The following SLC37A1 variants were observed in gnomAD, a reference collection of about 807,000 sequenced individuals.
SLC37A1 encodes glucose-6-phosphate exchanger SLC37A1.
SLC37A1 carries 49 observed loss-of-function variants against 75.3 expected under a neutral mutation model. The observed-to-expected ratio is 0.65, with a 90% CI of 0.52 to 0.83. SLC37A1 has a LOEUF of 0.83. Ranked by LOEUF, SLC37A1 falls within the 40% of genes least tolerant of loss-of-function variation. SLC37A1 has a pLI of 0.00. For missense variants in SLC37A1, 566 were observed against 695.0 expected (o/e 0.81, Z 2.09); for synonymous variants, 268 against 292.1 (o/e 0.92, Z 0.84).
intron 6 of SLC37A1, 109 bp downstream of exon 6, chr21:42,539,756 C>A: frequency 1.8e-6 from 2 of 1,126,294 alleles, no homozygotes; most frequent in Non-Finnish European, 2.4e-6. Flanking sequence ...GGCAGAAGTG[C>A]GTCCTGTCGG....
At chr21:42,566,711 T>C (rs1228097008) in intron 15 of SLC37A1, among the ~76,000 whole-genome samples, 2 of 152,090 alleles carry the variant, frequency 1.3e-5, no homozygotes, top group African/African-American at 4.8e-5. Flanking sequence ...GAGGAAGGCC[T>C]TTCTGCTGCA....
intron 18 of SLC37A1, chr21:42,575,555 GTGA>G: frequency 1.0e-6 from 1 of 985,436 alleles, no homozygotes; most frequent in Non-Finnish European, 1.2e-6. Flanking sequence ...AGGAAGACCA[GTGA>G]TGATGTCACA....
chr21:42,518,447 CGACGTAAATGGCTCGACTCCCCGCTG>C lies in SLC37A1; in HGVS notation c.-6_20del. 6.2e-7 allele frequency: 1 copy of C among 1,613,998 alleles called. No individual in the cohort carries two copies. Among genetic ancestry groups the C allele is most frequent in the Non-Finnish European group, 8.5e-7 (1 of 1,179,974 alleles). On this transcript the variant is annotated start_lost and 5_prime_UTR_variant, in exon 2 of 20. Coordinates refer to ENST00000352133, the MANE Select transcript of SLC37A1 (RefSeq NM_001320537.2). ...GCGACCGAGGCTCAGTGGTCAGTGG[CGACGTAAATGGCTCGACTCCCCGCTG>C]GCATTCGCTTCATCATCTCATTCTC...
At chr21:42,543,316 A>T in intron 7 of SLC37A1, 120 bp from the exon 8 acceptor site, 1 of 1,131,904 alleles carries the variant, frequency 8.8e-7, no homozygotes, top group Non-Finnish European at 1.3e-6. Context: ...CAGGGTCTGC[A>T]TGGCCCCCCG....
chr21:42,547,934 A>G lies in SLC37A1; in HGVS notation c.768+794A>G, dbSNP rs1270398405. 6.6e-6 allele frequency among the ~76,000 whole-genome samples: 1 copy of G among 152,038 alleles called. No individual in the cohort carries two copies. Among genetic ancestry groups the G allele is most frequent in the African/African-American group, 2.4e-5 (1 of 41,380 alleles). On this transcript the variant is annotated intron_variant, in intron 9 of 19. Coordinates refer to ENST00000352133, the MANE Select transcript of SLC37A1 (RefSeq NM_001320537.2). This position sits in a 1 kb window ranked among gnomAD's most constrained non-coding sequence, Gnocchi z 6.1. ...CCACCTCACGGGAACAGCCCATCAG[A>G]TCCCAGCAACGTCACCCGGACACAT... is the stretch of plus-strand genomic sequence containing the variant.
rs2055113790 is a variant in SLC37A1, at chr21:42,535,511, A to C, written c.311A>C (p.Tyr104Ser). Reference sequence around the variant, plus strand: ...CAGCAGCTGCTTGGGGCCCTGGACTACTCCTTCCTGTGCGCCTATGCCGTG... The same window carrying C: ...CAGCAGCTGCTTGGGGCCCTGGACTCCTCCTTCCTGTGCGCCTATGCCGTG... ...NYQQLLGALD[Y>S]SFLCAYAVGM... Residue 104 changes from tyrosine (Y) to serine (S), a missense_variant, in exon 5 of 20, where the codon TAC becomes TCC. By Grantham distance (144) the Tyr-to-Ser change is moderately radical (BLOSUM62 -2). Transcript: ENST00000352133. The C allele has an allele frequency of 1.2e-6, 2 of 1,613,438 alleles. No homozygotes were observed. The highest frequency in any genetic ancestry group is 1.7e-6 in the Non-Finnish European group (2 of 1,179,678).
At chr21:42,519,519 C>T (rs1370352817) in intron 2 of SLC37A1, among the ~76,000 whole-genome samples, 1 of 152,178 alleles carries the variant, frequency 6.6e-6, no homozygotes, top group Non-Finnish European at 1.5e-5. Context: ...GGGAACTCTG[C>T]TTTTCAGTAG....
intron 2 of SLC37A1, among the ~76,000 whole-genome samples, chr21:42,524,090 C>T (rs749858643): frequency 7.9e-5 from 12 of 152,082 alleles, no homozygotes; most frequent in East Asian, 5.8e-4. Context: ...CTCTCGGAAA[C>T]GCTGCCTTTC....
At chr21:42,578,415 T>G (rs762238018) in intron 18 of SLC37A1, among the ~76,000 whole-genome samples, 1 of 152,232 alleles carries the variant, frequency 6.6e-6, no homozygotes, top group East Asian at 1.9e-4. Context: ...CACTTGCTAC[T>G]ATATTCTTCA....
At chr21:42,521,314 T>C (rs2054643443) in intron 2 of SLC37A1, among the ~76,000 whole-genome samples, 1 of 152,232 alleles carries the variant, frequency 6.6e-6, no homozygotes, top group South Asian at 2.1e-4. Flanking sequence ...ATCGCTTCTC[T>C]GTCTCAGAAA....
rs997408059 is a variant in SLC37A1 at position 42,514,074 on chromosome 21, C to T, written c.-822C>T. 6.6e-6 allele frequency: 1 copy of T among 150,466 alleles called. No homozygotes were observed. The highest frequency in any genetic ancestry group is 3.2e-3 in the Middle Eastern group (1 of 312). 9.3% of individuals were successfully genotyped at this position (150,466 alleles called of 1,614,324 possible). ...GGCGCGGGGCCCTGCGCACTCGGAG[C>T]TCGGCTCCTCTCCTTCCTTTTCTTT... On this transcript the variant is annotated 5_prime_UTR_variant, in exon 1 of 20. Coordinates refer to ENST00000352133, the MANE Select transcript of SLC37A1 (RefSeq NM_001320537.2). The surrounding 1 kb of genome is among the most constrained non-coding windows in gnomAD (Gnocchi z 4.8).
At chr21:42,551,457 G>C (rs560606196) in intron 9 of SLC37A1, among the ~76,000 whole-genome samples, 41 of 152,308 alleles carry the variant, frequency 2.7e-4, no homozygotes, top group Non-Finnish European at 4.9e-4. Flanking sequence ...TGGGAAGAAA[G>C]GGGGGATGAC....
chr21:42,543,592 C>T lies in SLC37A1; in HGVS notation c.720C>T (p.Phe240=). The stretch of plus-strand genomic sequence containing the variant: ...CCATGGGGATAGTGTGCTTTCTCTT[C>T]CTCATTGAACGTAAGTGCACGTGGC... ...VAAMGIVCFL[F]LIEHPNDVRC... is the part of the protein sequence containing the mutation. Residue 240 remains phenylalanine, a synonymous_variant, in exon 8 of 20, where the codon TTC becomes TTT. Transcript: ENST00000352133. 4.4e-6 allele frequency: 7 copies of T among 1,601,896 alleles called. No individual in the cohort carries two copies. Among genetic ancestry groups the T allele is most frequent in the Non-Finnish European group, 4.3e-6 (5 of 1,173,122 alleles).
chr21:42,562,782 C>T (rs919180912), intron 12 of SLC37A1, among the ~76,000 whole-genome samples: 14 of 151,648 alleles, frequency 9.2e-5, no homozygotes, highest in Non-Finnish European at 1.8e-4. Flanking sequence ...TGAGAGGAAG[C>T]GGGGATGGTC....
Position 42,580,544 on chromosome 21 carries a change from C to A in SLC37A1, c.*184C>A. 1 of 644,136 alleles carries A rather than the reference C, an allele frequency of 1.6e-6. No homozygotes were observed. The allele number at this position is 644,136 out of a possible 1,614,324, so 39.9% of individuals were successfully genotyped here. On this transcript the variant is annotated 3_prime_UTR_variant, in exon 20 of 20. Transcript: ENST00000352133. ...GTGCTATTTTAAAGGAGACATATTGCTGAACAGCAGTGAGAAAAGTCTGCA... is the reference window on the plus strand; with the variant it reads ...GTGCTATTTTAAAGGAGACATATTGATGAACAGCAGTGAGAAAAGTCTGCA...
rs1432347892 is a variant in SLC37A1, at chr21:42,514,011, C to T, written c.-885C>T. On this transcript the variant is annotated 5_prime_UTR_variant, in exon 1 of 20. Transcript: ENST00000352133. This position sits in a 1 kb window ranked among gnomAD's most constrained non-coding sequence, Gnocchi z 4.8. ...TGCGGGGCAGCCGGCGCTCAGGCGC[C>T]GCAGCCGCTCAGCACCTGCGGCGCC... 6.8e-6 allele frequency: 1 copy of T among 148,086 alleles called. No homozygotes were observed. The highest frequency in any genetic ancestry group is 1.5e-5 in the Non-Finnish European group (1 of 66,698). The allele number at this position is 148,086 out of a possible 1,614,324, so 9.2% of individuals were successfully genotyped here. A position where few individuals can be genotyped will look rare whatever the true frequency, so the allele number is the denominator to read the frequency against.
chr21:42,557,212 T>A (rs746501392), intron 10 of SLC37A1, among the ~76,000 whole-genome samples: 7 of 152,236 alleles, frequency 4.6e-5, no homozygotes, highest in Admixed American at 6.5e-5. Context: ...TGAGCCTGTT[T>A]CCTGCGGAAC....
chr21:42,535,909 A>G (rs2055125338), intron 5 of SLC37A1, among the ~76,000 whole-genome samples: 1 of 152,294 alleles, frequency 6.6e-6, no homozygotes, highest in South Asian at 2.1e-4. Flanking sequence ...GCAGAGCCCA[A>G]CCTCTCCTGT....
At chr21:42,568,183 T>G (rs991264875) in intron 16 of SLC37A1, among the ~76,000 whole-genome samples, 177 bp from the exon 17 acceptor site, 1 of 152,238 alleles carries the variant, frequency 6.6e-6, no homozygotes, top group Admixed American at 6.5e-5. Flanking sequence ...TTTTGACTCT[T>G]AAAAACCCTT....
Sources: allele counts gnomAD v4.1 joint callset (sites outside exome capture counted in the v4.1 genomes callset), GRCh38; gene constraint gnomAD v4.1.1; non-coding constraint Gnocchi (gnomAD v3.1); transcripts MANE v1.5; gene names NCBI Gene and HGNC (gene_info 2026-07-23, HGNC 2026-07-21).